Variants in STRN3 observed in about 807,000 individuals in gnomAD.
STRN3 encodes striatin-3.
STRN3 carries 29 observed loss-of-function variants against 95.6 expected under a neutral mutation model. The ratio of observed to expected loss-of-function variants is 0.30; its 90% CI spans 0.23 to 0.41. STRN3 has a LOEUF of 0.41. Among genes scored for constraint, STRN3 ranks in the 10% least tolerant of loss-of-function variants. The pLI, the probability that STRN3 is intolerant of heterozygous loss-of-function variation, is 1.00. For synonymous variants in STRN3, 331 were observed against 357.6 expected, an observed-to-expected ratio of 0.93 and a Z score of 0.84; for missense variants, 890 against 972.1, an observed-to-expected ratio of 0.92 and a Z score of 1.12.
At chr14:30,948,079 A>G (rs1351255952) in intron 4 of STRN3, among the ~76,000 whole-genome samples, 3 of 152,196 alleles carry the variant, frequency 2.0e-5, no homozygotes, top group Non-Finnish European at 2.9e-5. Flanking sequence ...AATAAGCAAG[A>G]TACAATCTCT....
chr14:30,994,550 AAACC>A (rs1882111174), intron 1 of STRN3, among the ~76,000 whole-genome samples: 3 of 152,212 alleles, frequency 2.0e-5, no homozygotes, highest in Admixed American at 1.3e-4. Context: ...TAAAAACATA[AAACC>A]AAATAAACTA....
At chr14:30,906,358 A>G (rs373710449) in intron 14 of STRN3, among the ~76,000 whole-genome samples, 1 of 152,250 alleles carries the variant, frequency 6.6e-6, no homozygotes, top group East Asian at 1.9e-4. Flanking sequence ...GACTTGGAAA[A>G]TAAGACCAGT....
intron 1 of STRN3, among the ~76,000 whole-genome samples, chr14:30,961,799 G>T (rs1197279271): frequency 2.0e-5 from 3 of 152,156 alleles, no homozygotes; most frequent in African/African-American, 7.2e-5. Flanking sequence ...GTAGAGAAGG[G>T]TATTGCTTTG....
In STRN3 at chr14:30,904,260, A is replaced by G. The variant is rs74040906; in HGVS notation, c.2029+1158T>C. On this transcript the variant is annotated intron_variant, in intron 15 of 17. Coordinates refer to ENST00000357479, the MANE Select transcript of STRN3 (RefSeq NM_001083893.2). Reference sequence around the variant, plus strand: ...TATCAGGAAGCTATCAACAACAACCAAAGTCATGGCAAAAGGACTCAGGAG... The same window carrying G: ...TATCAGGAAGCTATCAACAACAACCGAAGTCATGGCAAAAGGACTCAGGAG... Among the ~76,000 whole-genome samples the G allele has an allele frequency of 5.2e-3, 786 of 152,332 alleles. 3 individuals carry two copies. The highest frequency in any genetic ancestry group is 0.018 in the African/African-American group (729 of 41,578).
chr14:30,928,790 A>G (rs1228612098), intron 8 of STRN3, among the ~76,000 whole-genome samples: 1 of 152,176 alleles, frequency 6.6e-6, no homozygotes, highest in Non-Finnish European at 1.5e-5. Context: ...TTTCCTATTC[A>G]CTGTAGGTAA....
rs1896059418 is a variant in STRN3 at position 30,893,900 on chromosome 14, A to G, written c.*1511T>C. The G allele has an allele frequency of 6.6e-6, 1 of 152,646 alleles. No homozygotes were observed. The highest frequency in any genetic ancestry group is 2.4e-5 in the African/African-American group (1 of 41,456). 9.5% of individuals were successfully genotyped at this position (152,646 alleles called of 1,614,324 possible). The stretch of plus-strand genomic sequence containing the variant: ...CAGTAACATACAGGTACACAATTTA[A>G]TATTTATTATATGCATTTTATATAC... On this transcript the variant is annotated 3_prime_UTR_variant, in exon 18 of 18. Transcript: ENST00000357479.
In STRN3 at chr14:31,025,914, G is replaced by T; in HGVS notation, c.272C>A (p.Ala91Asp). ...ACCCCAACGAGGTACCTGCAGTTCG[G>T]CCCGTTCCACCTCCCAGTGCGCCCG... is the stretch of plus-strand genomic sequence containing the variant. Reference protein sequence around the residue: ...MERAHWEVERAELQARIAFLQ... With the variant: ...MERAHWEVERDELQARIAFLQ... Residue 91 changes from alanine (A) to aspartate (D), a missense_variant, in exon 1 of 18, where the codon GCC (alanine) becomes GAC (aspartate). Around this residue, in one of 3 missense-constraint regions of STRN3, gnomAD observed 526 missense variants for 526.3 expected, o/e 1.00. Coordinates refer to ENST00000357479, the MANE Select transcript of STRN3 (RefSeq NM_001083893.2). 6.2e-7 allele frequency: 1 copy of T among 1,600,978 alleles called. No individual in the cohort carries two copies. The highest frequency in any genetic ancestry group is 2.3e-5 in the East Asian group (1 of 43,836).
At position 30,992,404 on chromosome 14, in the gene STRN3, C is replaced by CA. The variant is rs540582497; in HGVS notation, c.282+33499dup. ...CTGGAGACAGAGCAAGACTCTGTCT[C>CA]AAAAAAAAAAAAGAAAAGGAAAGAA... On this transcript the variant is annotated intron_variant, in intron 1 of 17. Transcript: ENST00000357479. 7.2e-3 allele frequency among the ~76,000 whole-genome samples: 890 copies of CA among 123,562 alleles called. 4 individuals are homozygous for CA. Among genetic ancestry groups the CA allele is most frequent in the East Asian group, 8.8e-3 (39 of 4,412 alleles). The allele number at this position is 123,562 out of a possible 152,430, so 81.1% of individuals were successfully genotyped here.
chr14:30,949,395 G>C (rs537291558), intron 4 of STRN3, among the ~76,000 whole-genome samples: 1 of 152,188 alleles, frequency 6.6e-6, no homozygotes, highest in Non-Finnish European at 1.5e-5. Flanking sequence ...GGCAGATCAC[G>C]ACGTCAGGAG....
chr14:30,947,542 T>C (rs962337906), intron 4 of STRN3, among the ~76,000 whole-genome samples: 4 of 151,794 alleles, frequency 2.6e-5, no homozygotes, highest in African/African-American at 7.2e-5. Flanking sequence ...TAGGATTATA[T>C]ACACACACAC....
intron 1 of STRN3, among the ~76,000 whole-genome samples, chr14:30,967,301 G>A (rs113608116): frequency 0.093 from 14,017 of 150,030 alleles, 721 homozygotes; most frequent in South Asian, 0.15. Flanking sequence ...AAAGAGAGGC[G>A]GTGGTGGGGA....
chr14:30,916,394 C>A (rs868164282), intron 9 of STRN3, among the ~76,000 whole-genome samples: 1 of 151,270 alleles, frequency 6.6e-6, no homozygotes, highest in Non-Finnish European at 1.5e-5. Context: ...CCTGCCTCAA[C>A]CTCCTGAATA....
intron 7 of STRN3, among the ~76,000 whole-genome samples, chr14:30,929,948 G>C (rs1397490821): frequency 7.6e-4 from 4 of 5,286 alleles, no homozygotes; most frequent in Admixed American, 2.8e-3. Context: ...CTACAACTAA[G>C]ATTAGCAAAA....
intron 8 of STRN3, among the ~76,000 whole-genome samples, chr14:30,925,239 AG>A (rs763031530): frequency 1.4e-5 from 2 of 141,096 alleles, no homozygotes; most frequent in Non-Finnish European, 3.1e-5. Flanking sequence ...GGGGGCGGGC[AG>A]GGGGGTAAAA....
At chr14:31,025,061 G>C (rs928751086) in intron 1 of STRN3, 1 of 152,160 alleles carries the variant, frequency 6.6e-6, no homozygotes, top group Non-Finnish European at 1.5e-5. Context: ...TCTCCTGCAA[G>C]AGTAAGTAAC....
chr14:31,004,141 C>T (rs570130300), intron 1 of STRN3, among the ~76,000 whole-genome samples: 10 of 151,972 alleles, frequency 6.6e-5, no homozygotes, highest in East Asian at 3.9e-4. Flanking sequence ...AAAAATTAGC[C>T]GGGTGTGATG....
intron 1 of STRN3, among the ~76,000 whole-genome samples, chr14:31,023,176 T>A (rs1407513552): frequency 6.6e-6 from 1 of 152,166 alleles, no homozygotes; most frequent in East Asian, 1.9e-4. Context: ...CTCTAAAAAA[T>A]ATGCAGGCCT....
intron 8 of STRN3, among the ~76,000 whole-genome samples, chr14:30,923,721 G>T (rs902573627): frequency 2.6e-5 from 4 of 151,974 alleles, no homozygotes; most frequent in African/African-American, 9.7e-5. Flanking sequence ...GTAACAACAG[G>T]CTATAAGAAT....
At chr14:30,967,414 C>T (rs1462602525) in intron 1 of STRN3, among the ~76,000 whole-genome samples, 1 of 152,162 alleles carries the variant, frequency 6.6e-6, no homozygotes, top group East Asian at 1.9e-4. Flanking sequence ...TACCCTATTC[C>T]TTTAAGAGCC....
Sources: allele counts gnomAD v4.1 joint callset (sites outside exome capture counted in the v4.1 genomes callset), GRCh38; gene constraint gnomAD v4.1.1; regional missense constraint gnomAD v4.1.1; transcripts MANE v1.5; gene names NCBI Gene and HGNC (gene_info 2026-07-23, HGNC 2026-07-21).